The following MATN1 variants were observed in gnomAD, a reference collection of about 807,000 sequenced individuals.
The protein encoded by MATN1 is matrilin 1, also known as matrilin-1.
In MATN1, 34 loss-of-function variants were observed where a neutral mutation model predicts 41.3. The observed-to-expected ratio is 0.82, with a 90% CI of 0.63 to 1.10. The LOEUF (loss-of-function observed/expected upper bound fraction) is 1.10. MATN1 is among the 50% of genes least tolerant of loss of function. The pLI is 0.00. For missense variants in MATN1, 602 were observed against 662.4 expected (o/e 0.91, Z 1.00); for synonymous variants, 264 against 278.7 (o/e 0.95, Z 0.53).
At position 30,715,981 on chromosome 1, in the gene MATN1, C is replaced by T. The variant is rs1639613533; in HGVS notation, c.1135G>A (p.Val379Met). 6.2e-7 allele frequency: 1 copy of T among 1,614,206 alleles called. No individual in the cohort carries two copies. The change falls in exon 5 of 8, where the codon GTG becomes ATG. Residue 379 changes from valine (V) to methionine (M), a missense_variant. Coordinates refer to ENST00000373765, the MANE Select transcript of MATN1 (RefSeq NM_002379.3). ...SSGARPGAQK[V>M]GIVFTDGRSQ... ...CGGCCATCAGTGAAGACAATGCCCA[C>T]CTTCTGGGCCCCGGGCCTAGCCCCA...
In MATN1 at chr1:30,713,494, C is replaced by A; in HGVS notation, c.*88G>T. 7.3e-7 allele frequency: 1 copy of A among 1,375,400 alleles called. No individual in the cohort carries two copies. Among genetic ancestry groups the A allele is most frequent in the Non-Finnish European group, 1.0e-6 (1 of 986,832 alleles). 85.2% of individuals were successfully genotyped at this position (1,375,400 alleles called of 1,614,324 possible). A position where few individuals can be genotyped will look rare whatever the true frequency, so the allele number is the denominator to read the frequency against. On this transcript the variant is annotated 3_prime_UTR_variant, in exon 8 of 8. Coordinates refer to ENST00000373765, the MANE Select transcript of MATN1 (RefSeq NM_002379.3). Reference sequence around the variant, plus strand: ...CACACCCAGACACACCCCCTCCCACCCCCGGGCTGGCTTCCCTCACTAAAA... The same window carrying A: ...CACACCCAGACACACCCCCTCCCACACCCGGGCTGGCTTCCCTCACTAAAA...
chr1:30,715,192 T>G lies in MATN1; in HGVS notation c.1325A>C (p.Gln442Pro), dbSNP rs755148507. 6.2e-7 allele frequency: 1 copy of G among 1,614,256 alleles called. No homozygotes were observed. The highest frequency in any genetic ancestry group is 8.5e-7 in the Non-Finnish European group (1 of 1,180,042). ...FYTADFKTIN[Q>P]IGKKLQKKIC... Reference sequence around the variant, plus strand: ...CTTCTTCTGCAACTTCTTGCCTATCTGGTTGATGGTCTTGAAGTCAGCCGT... The same window carrying G: ...CTTCTTCTGCAACTTCTTGCCTATCGGGTTGATGGTCTTGAAGTCAGCCGT... The change falls in exon 6 of 8, where the codon CAG (glutamine) becomes CCG (proline). Residue 442 changes from glutamine to proline, a missense_variant. Coordinates refer to ENST00000373765, the MANE Select transcript of MATN1 (RefSeq NM_002379.3).
chr1:30,716,453 C>G, intron 4 of MATN1, 128 bp from the exon 5 acceptor site: 1 of 963,588 alleles, frequency 1.0e-6, no homozygotes, highest in Non-Finnish European at 1.5e-6. Context: ...TCAGAACTGC[C>G]TCTATAAAGC....
chr1:30,713,740 T>A, intron 7 of MATN1, 109 bp from the exon 8 acceptor site: 1 of 843,480 alleles, frequency 1.2e-6, no homozygotes. Context: ...CATTCTCCCC[T>A]CTGTCAGAAC....
chr1:30,717,350 T>G (rs899254503), intron 3 of MATN1, among the ~76,000 whole-genome samples: 1 of 152,098 alleles, frequency 6.6e-6, no homozygotes, highest in Non-Finnish European at 1.5e-5. Flanking sequence ...TACAAATGGG[T>G]AAAGTCCCTG....
intron 7 of MATN1, 106 bp downstream of exon 7, chr1:30,714,141 G>C (rs532805825): frequency 1.1e-6 from 1 of 897,024 alleles, no homozygotes; most frequent in Non-Finnish European, 1.8e-6. Context: ...GCAGTAAGCA[G>C]GCCAAGAGAA....
At position 30,721,680 on chromosome 1, in the gene MATN1, C is replaced by T. The variant is rs762466980; in HGVS notation, c.166G>A (p.Glu56Lys). 1.2e-6 allele frequency: 2 copies of T among 1,613,280 alleles called. No homozygotes were observed. The highest frequency in any genetic ancestry group is 1.7e-6 in the Non-Finnish European group (2 of 1,180,030). The change falls in exon 2 of 8, where the codon GAA becomes AAA. Residue 56 changes from glutamate (E) to lysine (K), a missense_variant. Transcript: ENST00000373765. ...VDSSRSVRPV[E>K]FEKVKVFLSQ... ...AGGAATACCTTCACTTTCTCAAATT[C>T]AACAGGCCGAACGCTGCGAGAGCTG...
At chr1:30,715,429 T>C (rs1403000732) in intron 5 of MATN1, 120 bp from the exon 6 acceptor site, 1 of 885,116 alleles carries the variant, frequency 1.1e-6, no homozygotes, top group Non-Finnish European at 1.8e-6. Context: ...GCTGCTGGAA[T>C]TGCAAGCACA....
rs1252042215 is a variant in MATN1, at chr1:30,721,552, A to C, written c.294T>G (p.His98Gln). The part of the protein sequence containing the change: ...TVKQEFSLRA[H>Q]VSKAALLQAV... ...CCTGCAGCAGTGCGGCCTTGGAGAC[A>C]TGAGCCCGCAGCGAGAACTCCTGCT... The change falls in exon 2 of 8, where the codon CAT becomes CAG. Residue 98 changes from histidine to glutamine, a missense_variant. By Grantham distance (24) the His-to-Gln change is conservative. Coordinates refer to ENST00000373765, the MANE Select transcript of MATN1 (RefSeq NM_002379.3). The C allele has an allele frequency of 1.2e-6, 2 of 1,613,342 alleles. No homozygotes were observed. Among genetic ancestry groups the C allele is most frequent in the South Asian group, 1.1e-5 (1 of 91,086 alleles).
intron 7 of MATN1, 163 bp from the exon 8 acceptor site, chr1:30,713,794 A>G: frequency 1.5e-6 from 1 of 665,660 alleles, no homozygotes; most frequent in Non-Finnish European, 2.7e-6. Context: ...CAAAAAACAC[A>G]GCCAGTTACT....
chr1:30,716,999 A>G, intron 3 of MATN1, 84 bp from the exon 4 acceptor site: 3 of 1,414,906 alleles, frequency 2.1e-6, no homozygotes, highest in South Asian at 1.4e-5. Context: ...GACTGTGGAT[A>G]CCAGGCCCCA....
intron 3 of MATN1, among the ~76,000 whole-genome samples, chr1:30,718,095 T>C (rs370563773): frequency 4.0e-5 from 6 of 151,882 alleles, no homozygotes; most frequent in Admixed American, 6.6e-5. Context: ...CCACCCCCAA[T>C]CCACCTAAGC....
rs1639573743 is a variant in MATN1, at chr1:30,713,138, C to T, written c.*444G>A. ...CCTGGTCCCCAAATAACCACACTGC[C>T]TCTAGCCCCATTCACTGCTTACGTT... On this transcript the variant is annotated 3_prime_UTR_variant, in exon 8 of 8. Transcript: ENST00000373765. 1 of 187,572 alleles carries T rather than the reference C, an allele frequency of 5.3e-6. No homozygotes were observed. Among genetic ancestry groups the T allele is most frequent in the Middle Eastern group, 2.4e-3 (1 of 412 alleles). The allele number at this position is 187,572 out of a possible 1,614,324, so 11.6% of individuals were successfully genotyped here.
intron 5 of MATN1, 84 bp from the exon 6 acceptor site, chr1:30,715,393 C>T: frequency 1.4e-6 from 2 of 1,385,612 alleles, no homozygotes; most frequent in Non-Finnish European, 2.0e-6. Context: ...GCTTAGGCAG[C>T]CAACACCAGA....
intron 7 of MATN1, 120 bp downstream of exon 7, chr1:30,714,127 A>T: frequency 2.6e-6 from 2 of 781,134 alleles, no homozygotes; most frequent in Non-Finnish European, 4.3e-6. Flanking sequence ...AATGCAGCCC[A>T]TCAGCAGTAA....
At chr1:30,721,330 G>T in intron 2 of MATN1, 75 bp downstream of exon 2, 1 of 1,384,488 alleles carries the variant, frequency 7.2e-7, no homozygotes, top group Non-Finnish European at 1.0e-6. Context: ...GAATCAAAGT[G>T]TCTGCAGGCA....
At position 30,722,174 on chromosome 1, in the gene MATN1, G is replaced by A. The variant is rs74063383; in HGVS notation, c.95-423C>T. ...GCCCAGACTTGCTGCCAGAAACAAG[G>A]GCAGCTATTTCTTCTAGCTGGGCAG... is the stretch of plus-strand genomic sequence containing the variant. On this transcript the variant is annotated intron_variant, in intron 1 of 7. Coordinates refer to ENST00000373765, the MANE Select transcript of MATN1 (RefSeq NM_002379.3). Among the ~76,000 whole-genome samples the A allele has an allele frequency of 8.1e-3, 1,240 of 152,348 alleles. 17 individuals carry two copies. Among genetic ancestry groups the A allele is most frequent in the African/African-American group, 0.028 (1,185 of 41,582 alleles).
At position 30,715,284 on chromosome 1, in the gene MATN1, C is replaced by A. The variant is rs1639601378; in HGVS notation, c.1233G>T (p.Val411=). 1.3e-5 allele frequency: 21 copies of A among 1,614,226 alleles called. No homozygotes were observed. The highest frequency in any genetic ancestry group is 1.7e-5 in the Non-Finnish European group (20 of 1,180,040). Residue 411 remains valine, a synonymous_variant, in exon 6 of 8, where the codon GTG becomes GTT. Coordinates refer to ENST00000373765, the MANE Select transcript of MATN1 (RefSeq NM_002379.3). ...TCAGCTCATCCTCCACGGCATTGCC[C>A]ACACCCACAGCAAACATCTTAAAGC... ...DLGFKMFAVG[V]GNAVEDELRE... is the part of the protein sequence containing the mutation.
At chr1:30,715,088 C>G in intron 6 of MATN1, 69 bp downstream of exon 6, 2 of 1,577,382 alleles carry the variant, frequency 1.3e-6, no homozygotes, top group Non-Finnish European at 1.7e-6. Context: ...ACACCCAGTT[C>G]CAGGATGGCT....
Sources: gnomAD v4.1 joint callset for allele counts (sites outside exome capture counted in the v4.1 genomes callset) on GRCh38, gnomAD v4.1.1 for gene constraint, MANE v1.5 for transcripts, NCBI Gene and HGNC (gene_info 2026-07-23, HGNC 2026-07-21) for gene names.